SLC60A1: variants seen among roughly 807,000 people sequenced by gnomAD.
The protein encoded by SLC60A1 is solute carrier family 60 member 1.
chr1:205,600,513 G>T, the SLC60A1 span: 1 of 1,576,820 alleles, frequency 6.3e-7, no homozygotes, highest in South Asian at 1.1e-5. Flanking sequence ...TCACCAGCAC[G>T]ACCATACTGT....
the SLC60A1 span, chr1:205,597,530 A>T: frequency 2.9e-6 from 1 of 349,206 alleles, no homozygotes; most frequent in East Asian, 6.4e-5. Context: ...CTGGGACTAC[A>T]GGTGCACACC....
chr1:205,580,146 C>T, the SLC60A1 span, among the ~76,000 whole-genome samples: 25,725 of 152,182 alleles, frequency 0.17, 2,270 homozygotes, highest in Admixed American at 0.22. The surrounding 1 kb of genome is among the most constrained non-coding windows in gnomAD (Gnocchi z 5.0). Flanking sequence ...GGAGCCTAAG[C>T]GCTTGGGAAA....
At chr1:205,592,169 G>A in the SLC60A1 span, 19 of 1,613,998 alleles carry the variant, frequency 1.2e-5, no homozygotes, top group Non-Finnish European at 1.6e-5. Flanking sequence ...TCCTGGTGCT[G>A]CTTATTTTCT....
the SLC60A1 span, among the ~76,000 whole-genome samples, chr1:205,594,427 G>C: frequency 2.6e-3 from 400 of 152,188 alleles, 3 homozygotes; most frequent in African/African-American, 9.1e-3. Flanking sequence ...AGGCTGAGGC[G>C]GGTGGATCAC....
At chr1:205,593,440 C>T in the SLC60A1 span, among the ~76,000 whole-genome samples, 1 of 41,036 alleles carries the variant, frequency 2.4e-5, no homozygotes, top group Non-Finnish European at 4.7e-5. Flanking sequence ...GGCGACAGGG[C>T]GAGACTCTGT....
At chr1:205,593,398 G>A in the SLC60A1 span, among the ~76,000 whole-genome samples, 1 of 106,694 alleles carries the variant, frequency 9.4e-6, no homozygotes, top group Non-Finnish European at 1.9e-5. Flanking sequence ...GTGAACCCAG[G>A]AGGTGGAGCT....
chr1:205,592,807 C>A, the SLC60A1 span, among the ~76,000 whole-genome samples: 6 of 152,224 alleles, frequency 3.9e-5, no homozygotes, highest in Non-Finnish European at 7.3e-5. Context: ...CGTCTGCTGA[C>A]CTGCAGCTGA....
the SLC60A1 span, among the ~76,000 whole-genome samples, chr1:205,583,034 C>A: frequency 6.6e-5 from 10 of 152,198 alleles, no homozygotes; most frequent in Admixed American, 5.9e-4. Context: ...GAGACATCTG[C>A]AGCTCCCTGG....
At chr1:205,602,906 ATATT>A in the SLC60A1 span, 2 of 152,196 alleles carry the variant, frequency 1.3e-5, no homozygotes, top group Non-Finnish European at 2.9e-5. Context: ...CTAAAATAAA[ATATT>A]TAAACTTATT....
the SLC60A1 span, among the ~76,000 whole-genome samples, chr1:205,571,604 T>C: frequency 6.6e-6 from 1 of 152,056 alleles, no homozygotes; most frequent in Non-Finnish European, 1.5e-5. Flanking sequence ...AAAGCAGATA[T>C]ACAGTGGAAA....
chr1:205,578,098 A>G, the SLC60A1 span, among the ~76,000 whole-genome samples: 4 of 152,238 alleles, frequency 2.6e-5, no homozygotes, highest in Admixed American at 2.0e-4. Context: ...TTGAAAGACA[A>G]TAATGATAAT....
At chr1:205,596,462 G>A in the SLC60A1 span, among the ~76,000 whole-genome samples, 1 of 148,394 alleles carries the variant, frequency 6.7e-6, no homozygotes, top group Non-Finnish European at 1.5e-5. Context: ...AGCCAGGTGT[G>A]GTGGGGCATG....
chr1:205,580,639 G>A, the SLC60A1 span: 13 of 747,890 alleles, frequency 1.7e-5, no homozygotes, highest in Middle Eastern at 2.7e-4. This position sits in a 1 kb window ranked among gnomAD's most constrained non-coding sequence, Gnocchi z 5.0. Context: ...ACCCCCACCC[G>A]CCACCTCTCC....
chr1:205,595,770 C>T, the SLC60A1 span, among the ~76,000 whole-genome samples: 396 of 152,318 alleles, frequency 2.6e-3, 3 homozygotes, highest in African/African-American at 9.0e-3. Context: ...AAAGCTGACT[C>T]ACAGGCACTC....
At chr1:205,584,325 G>A in the SLC60A1 span, among the ~76,000 whole-genome samples, 2 of 150,352 alleles carry the variant, frequency 1.3e-5, no homozygotes, top group East Asian at 2.0e-4. Context: ...AGGTTCAAGC[G>A]ATTCTCCTGT....
the SLC60A1 span, among the ~76,000 whole-genome samples, chr1:205,570,789 C>T: frequency 4.2e-4 from 64 of 152,296 alleles, no homozygotes; most frequent in Admixed American, 3.7e-3. Context: ...CTGTGGCTAG[C>T]ACAGGTTTTT....
At chr1:205,596,852 C>T in the SLC60A1 span, among the ~76,000 whole-genome samples, 15 of 152,308 alleles carry the variant, frequency 9.8e-5, no homozygotes, top group East Asian at 2.5e-3. Context: ...GCATGTCTTA[C>T]ATCAGAGTTA....
the SLC60A1 span, among the ~76,000 whole-genome samples, chr1:205,596,726 T>C: frequency 6.6e-6 from 1 of 151,946 alleles, no homozygotes; most frequent in Non-Finnish European, 1.5e-5. Context: ...TCTAAAGGGC[T>C]CTGCAAACCA....
chr1:205,584,847 C>A, the SLC60A1 span: 2 of 1,600,244 alleles, frequency 1.2e-6, no homozygotes, highest in South Asian at 1.1e-5. Flanking sequence ...AGCTGAGACT[C>A]ACCCCTGTTC....
Sources: gnomAD v4.1 joint callset for allele counts (sites outside exome capture counted in the v4.1 genomes callset) on GRCh38, gnomAD v4.1.1 for gene constraint, Gnocchi (gnomAD v3.1) non-coding constraint, MANE v1.5 for transcripts, NCBI Gene and HGNC (gene_info 2026-07-23, HGNC 2026-07-21) for gene names.